Variants in VTI1A observed in about 807,000 individuals in gnomAD.
VTI1A encodes the protein vesicle transport through interaction with t-SNAREs 1A.
A neutral mutation model predicts 34.9 loss-of-function variants in VTI1A; 22 were observed. That is an observed-to-expected ratio of 0.63 (90% confidence interval 0.45 to 0.90). The LOEUF is 0.90. Among genes scored for constraint, VTI1A ranks in the 40% least tolerant of loss-of-function variants. The probability of loss-of-function intolerance (pLI) is 0.00; values close to 1 mark genes in which losing one functional copy is unlikely to be tolerated. For missense variants in VTI1A, 268 were observed against 275.6 expected, an observed-to-expected ratio of 0.97 and a Z score of 0.20; for synonymous variants, 87 against 97.3, an observed-to-expected ratio of 0.89 and a Z score of 0.62.
chr10:112,560,902 T>G (rs1237132776), intron 5 of VTI1A, among the ~76,000 whole-genome samples: 1 of 152,060 alleles, frequency 6.6e-6, no homozygotes, highest in East Asian at 1.9e-4. Flanking sequence ...TGGCCAGAAG[T>G]GCTTATTTCA....
chr10:112,564,462 CAT>C (rs1485561049), intron 5 of VTI1A, among the ~76,000 whole-genome samples: 1 of 151,640 alleles, frequency 6.6e-6, no homozygotes, highest in African/African-American at 2.4e-5. Context: ...AAAAAACACT[CAT>C]ATTGTGAAGT....
chr10:112,684,846 G>T (rs944483030), intron 7 of VTI1A, among the ~76,000 whole-genome samples: 1 of 152,054 alleles, frequency 6.6e-6, no homozygotes, highest in Non-Finnish European at 1.5e-5. Context: ...ATATGATTTG[G>T]ATCTGTTTTT....
At chr10:112,476,506 T>C (rs1221204974) in intron 3 of VTI1A, among the ~76,000 whole-genome samples, 2 of 152,164 alleles carry the variant, frequency 1.3e-5, no homozygotes, top group African/African-American at 4.8e-5. Context: ...ATATCAAACA[T>C]TAAAGAAGAA....
intron 7 of VTI1A, among the ~76,000 whole-genome samples, chr10:112,686,104 AAAG>A (rs1184851366): frequency 1.1e-4 from 16 of 152,340 alleles, no homozygotes; most frequent in Admixed American, 3.9e-4. Context: ...GAGAAAAGGA[AAAG>A]AAGACAGCAG....
chr10:112,841,188 C>G, the VTI1A span, among the ~76,000 whole-genome samples: 19 of 152,282 alleles, frequency 1.2e-4, no homozygotes, highest in African/African-American at 4.6e-4. Flanking sequence ...CTGCGGGACT[C>G]CTGGGATCTG....
intron 5 of VTI1A, among the ~76,000 whole-genome samples, chr10:112,579,266 T>C (rs1843829495): frequency 6.6e-6 from 1 of 152,248 alleles, no homozygotes; most frequent in Non-Finnish European, 1.5e-5. Context: ...TATTTCCATT[T>C]TGTGTATGCA....
intron 1 of VTI1A, among the ~76,000 whole-genome samples, chr10:112,456,276 G>C (rs1345658276): frequency 1.3e-5 from 2 of 152,060 alleles, no homozygotes; most frequent in Non-Finnish European, 2.9e-5. Context: ...ACAAAAATTA[G>C]CTGTGTGTGG....
At chr10:112,542,033 TTTTAGCTATGGACA>T (rs1318095754) in intron 5 of VTI1A, among the ~76,000 whole-genome samples, 2 of 152,170 alleles carry the variant, frequency 1.3e-5, no homozygotes, top group Admixed American at 6.5e-5. Flanking sequence ...CAGATATGAC[TTTTAGCTATGGACA>T]TATCCATTTT....
chr10:112,747,502 G>A (rs1273135036), intron 7 of VTI1A, among the ~76,000 whole-genome samples: 2 of 152,164 alleles, frequency 1.3e-5, no homozygotes, highest in African/African-American at 4.8e-5. Context: ...TATAAACATA[G>A]AAAAGTTACA....
the VTI1A span, among the ~76,000 whole-genome samples, chr10:112,851,042 T>C: frequency 6.6e-6 from 1 of 152,186 alleles, no homozygotes; most frequent in Non-Finnish European, 1.5e-5. Context: ...CATGTTTCCT[T>C]CCGAACTCTG....
At chr10:112,765,039 G>A (rs1357512400) in intron 7 of VTI1A, among the ~76,000 whole-genome samples, 2 of 152,088 alleles carry the variant, frequency 1.3e-5, no homozygotes, top group African/African-American at 4.8e-5. Flanking sequence ...CCCATGTCCT[G>A]GTTGGATATT....
Position 112,718,548 on chromosome 10 carries a change from A to G in VTI1A, c.560+49550A>G, listed in dbSNP as rs940524512. On this transcript the variant is annotated intron_variant, in intron 7 of 7. Transcript: ENST00000393077. Reference sequence around the variant, plus strand: ...TAGAAAACAGAAGTTGAGTTCTTCAAACATTTGTTATCAAAAATATAGGAT... The same window carrying G: ...TAGAAAACAGAAGTTGAGTTCTTCAGACATTTGTTATCAAAAATATAGGAT... Among the ~76,000 whole-genome samples, 3 of 152,226 alleles carry G rather than the reference A, an allele frequency of 2.0e-5. 1 individual carries two copies. The South Asian group carries it at 6.2e-4, about 32-fold the overall frequency.
chr10:112,557,094 G>T (rs1030175068), intron 5 of VTI1A, among the ~76,000 whole-genome samples: 2 of 151,804 alleles, frequency 1.3e-5, no homozygotes, highest in Non-Finnish European at 2.9e-5. Flanking sequence ...TTTTCTTATG[G>T]AAGAAAAGCT....
At chr10:112,592,273 G>A (rs1844421262) in intron 5 of VTI1A, among the ~76,000 whole-genome samples, 1 of 152,192 alleles carries the variant, frequency 6.6e-6, no homozygotes, top group African/African-American at 2.4e-5. Flanking sequence ...CTCACCTAAA[G>A]AACTGTGAGA....
rs114335131 is a variant in VTI1A, at chr10:112,766,283, C to T, written c.561-49007C>T. ...CAATGCAACAAGTGTGGAAATTATACATAAATAAGGTTAAGTTCAACAGAT... is the reference window on the plus strand; with the variant it reads ...CAATGCAACAAGTGTGGAAATTATATATAAATAAGGTTAAGTTCAACAGAT... On this transcript the variant is annotated intron_variant, in intron 7 of 7. Coordinates refer to ENST00000393077, the MANE Select transcript of VTI1A (RefSeq NM_145206.4). Among the ~76,000 whole-genome samples the T allele has an allele frequency of 5.6e-3, 853 of 152,278 alleles. 11 individuals are homozygous for T. Among genetic ancestry groups the T allele is most frequent in the African/African-American group, 0.019 (782 of 41,546 alleles).
chr10:112,705,803 A>G (rs1849175184), intron 7 of VTI1A, among the ~76,000 whole-genome samples: 1 of 152,202 alleles, frequency 6.6e-6, no homozygotes, highest in Non-Finnish European at 1.5e-5. Context: ...AGGAACCTTA[A>G]CATTTGCCCA....
At chr10:112,642,284 A>G (rs1846604708) in intron 5 of VTI1A, among the ~76,000 whole-genome samples, 1 of 152,126 alleles carries the variant, frequency 6.6e-6, no homozygotes, top group Non-Finnish European at 1.5e-5. Context: ...TAAATTATTG[A>G]CTGGTTGCAA....
At chr10:112,733,135 T>C (rs1221676408) in intron 7 of VTI1A, among the ~76,000 whole-genome samples, 2 of 152,258 alleles carry the variant, frequency 1.3e-5, no homozygotes, top group Non-Finnish European at 2.9e-5. Context: ...CGTTCAGCTC[T>C]GGAATACAAG....
At position 112,547,907 on chromosome 10, in the gene VTI1A, TCAA is replaced by T. The variant is rs537190336; in HGVS notation, c.427+9580_427+9582del. Among the ~76,000 whole-genome samples the T allele has an allele frequency of 3.7e-3, 568 of 152,318 alleles. 4 individuals carry two copies. The highest frequency in any genetic ancestry group is 0.013 in the African/African-American group (549 of 41,584). ...AGAATTTTTGAAGAAAAGCAATCAA[TCAA>T]CAGTAGTATAAGCTTACTTTTTTTC... On this transcript the variant is annotated intron_variant, in intron 5 of 7. Transcript: ENST00000393077.
Sources: gnomAD v4.1 joint callset for allele counts (sites outside exome capture counted in the v4.1 genomes callset) on GRCh38, gnomAD v4.1.1 for gene constraint, MANE v1.5 for transcripts, NCBI Gene and HGNC (gene_info 2026-07-23, HGNC 2026-07-21) for gene names.